The following EVPL variants were observed in gnomAD, a reference collection of about 807,000 sequenced individuals.
EVPL encodes envoplakin, also known as 210 kDa cornified envelope precursor protein.
EVPL carries 94 observed loss-of-function variants against 129.7 expected under a neutral mutation model. That is an observed-to-expected ratio of 0.72 (90% CI 0.61 to 0.86). EVPL has a LOEUF of 0.86. Ranked by LOEUF, EVPL falls within the 40% of genes least tolerant of loss-of-function variation. The probability of loss-of-function intolerance (pLI) is 0.00; values close to 1 mark genes in which losing one functional copy is unlikely to be tolerated. For missense variants in EVPL, 2,625 were observed against 2,721.1 expected (o/e 0.96, Z 0.79); for synonymous variants, 1,172 against 1,191.1 (o/e 0.98, Z 0.33).
chr17:76,014,399 A>C (rs548217667), intron 18 of EVPL, 27 bp downstream of exon 18: 2 of 1,596,138 alleles, frequency 1.3e-6, no homozygotes, highest in South Asian at 2.2e-5. Flanking sequence ...ACATGGGCAC[A>C]GGCAGCTGTC....
intron 1 of EVPL, among the ~76,000 whole-genome samples, chr17:76,025,913 G>A (rs1206053138): frequency 3.3e-5 from 5 of 152,188 alleles, no homozygotes; most frequent in Non-Finnish European, 5.9e-5. Flanking sequence ...AGTGCCCCCT[G>A]CACCACACCC....
rs1161334741 is a variant in EVPL at position 76,010,006 on chromosome 17, C to T, written c.3199G>A (p.Glu1067Lys). The change falls in exon 22 of 22, where the codon GAG (glutamate) becomes AAG (lysine). Residue 1067 changes from glutamate (E) to lysine (K), a missense_variant. Glu to Lys is a moderately conservative substitution (Grantham distance 56). This residue lies in a region of EVPL where 1,453 missense variants were observed against 1,511.8 expected (regional missense o/e 0.96). Coordinates refer to ENST00000301607, the MANE Select transcript of EVPL (RefSeq NM_001988.4). ...KKELLALEKR[E>K]VDVKEKVVVK... ...ACGACCTTCTCCTTCACGTCCACCTCCCTCTTCTCAAGGGCCAGTAGCTCC... is the reference window on the plus strand; with the variant it reads ...ACGACCTTCTCCTTCACGTCCACCTTCCTCTTCTCAAGGGCCAGTAGCTCC... 1.2e-6 allele frequency: 2 copies of T among 1,613,526 alleles called. No individual in the cohort carries two copies. Among genetic ancestry groups the T allele is most frequent in the Non-Finnish European group, 1.7e-6 (2 of 1,180,032 alleles).
chr17:76,023,667 G>A lies in EVPL; in HGVS notation c.199-13C>T. The A allele has an allele frequency of 6.5e-7, 1 of 1,540,952 alleles. No individual in the cohort carries two copies. Among genetic ancestry groups the A allele is most frequent in the Non-Finnish European group, 8.8e-7 (1 of 1,140,670 alleles). ...TGTTCAGCCGGTCCTGTGGGCAGGA[G>A]ATGGGCAGACTGGCCAGGGCCCAGA... On this transcript the variant is annotated splice_polypyrimidine_tract_variant and intron_variant, in intron 2 of 21. Coordinates refer to ENST00000301607, the MANE Select transcript of EVPL (RefSeq NM_001988.4).
Position 76,007,212 on chromosome 17 carries a change from C to A in EVPL, c.5993G>T (p.Gly1998Val). The change falls in exon 22 of 22, where the codon GGC becomes GTC. Residue 1998 changes from glycine (G) to valine (V), a missense_variant. This residue lies in a region of EVPL where 1,453 missense variants were observed against 1,511.8 expected (regional missense o/e 0.96). Transcript: ENST00000301607. The surrounding 1 kb of genome is among the most constrained non-coding windows in gnomAD (Gnocchi z 8.8). The part of the protein sequence containing the change: ...KERLSYKEAM[G>V]RCRKDPLSGL... ...GCTCAGGGGGTCTTTGCGGCAGCGGCCCATGGCCTCCTTGTAGCTCAGCCG... is the reference window on the plus strand; with the variant it reads ...GCTCAGGGGGTCTTTGCGGCAGCGGACCATGGCCTCCTTGTAGCTCAGCCG... 1 of 1,558,842 alleles carries A rather than the reference C, an allele frequency of 6.4e-7. No individual in the cohort carries two copies.
intron 1 of EVPL, among the ~76,000 whole-genome samples, chr17:76,026,477 A>G (rs904018881): frequency 1.3e-5 from 2 of 152,168 alleles, no homozygotes; most frequent in African/African-American, 4.8e-5. Flanking sequence ...GGCCTCCTGA[A>G]GTTCGGGGAT....
intron 12 of EVPL, 82 bp from the exon 13 acceptor site, chr17:76,018,340 G>A: frequency 6.6e-7 from 1 of 1,518,486 alleles, no homozygotes; most frequent in Non-Finnish European, 8.9e-7. Flanking sequence ...AGCTTCAGGT[G>A]AAGGCCAGCC....
rs1272067203 is a variant in EVPL, at chr17:76,021,726, T to C, written c.863A>G (p.Asp288Gly). 4 of 1,610,400 alleles carry C rather than the reference T, an allele frequency of 2.5e-6. No homozygotes were observed. The African/African-American group carries it at 5.3e-5, about 22-fold the overall frequency. ...SQEQSVNQLEDDGERMVELRH... is the reference protein window; with the variant it reads ...SQEQSVNQLEGDGERMVELRH... ...CAGCTCCACCATGCGCTCGCCGTCGTCCTCCAGCTGGTTCACGCTCTGCTC... is the reference window on the plus strand; with the variant it reads ...CAGCTCCACCATGCGCTCGCCGTCGCCCTCCAGCTGGTTCACGCTCTGCTC... The change falls in exon 8 of 22, where the codon GAC becomes GGC. Residue 288 changes from aspartate to glycine, a missense_variant. This residue lies in a region of EVPL where 1,024 missense variants were observed against 997.5 expected (regional missense o/e 1.03). Coordinates refer to ENST00000301607, the MANE Select transcript of EVPL (RefSeq NM_001988.4).
In EVPL at chr17:76,027,133, C is replaced by G. The variant is rs755951974; in HGVS notation, c.66G>C (p.Gly22=). The stretch of plus-strand genomic sequence containing the variant: ...GCCTGCTGGGGGAGCCTTTGGGGGA[C>G]CCCTTGGCGGGGGAGCCCTTGGGGG... ...KGSPKGSPAK[G]SPKGSPSRHS... is the part of the protein sequence containing the mutation. The change falls in exon 1 of 22, where the codon GGG becomes GGC. Residue 22 remains glycine (G), a synonymous_variant. Transcript: ENST00000301607. The G allele has an allele frequency of 3.2e-6, 5 of 1,544,802 alleles. No homozygotes were observed. Among genetic ancestry groups the G allele is most frequent in the Middle Eastern group, 2.3e-4 (1 of 4,300 alleles).
Position 76,023,413 on chromosome 17 carries a change from T to C in EVPL, c.359A>G (p.Lys120Arg). The C allele has an allele frequency of 6.2e-7, 1 of 1,613,748 alleles. No individual in the cohort carries two copies. Among genetic ancestry groups the C allele is most frequent in the Non-Finnish European group, 8.5e-7 (1 of 1,179,972 alleles). Reference protein sequence around the residue: ...PQAEEIEKDIKQLHERVTQEC... With the variant: ...PQAEEIEKDIRQLHERVTQEC... ...CTGGGTCACCCGCTCGTGCAGCTGC[T>C]TGATGCTGTCAAGAAGGTGGCCGGC... Residue 120 changes from lysine (K) to arginine (R), a missense_variant, in exon 4 of 22, where the codon AAG (lysine) becomes AGG (arginine). This residue lies in a region of EVPL where 139 missense variants were observed against 186.8 expected (regional missense o/e 0.74). Transcript: ENST00000301607.
intron 1 of EVPL, among the ~76,000 whole-genome samples, chr17:76,026,506 C>T (rs781542775): frequency 1.3e-5 from 2 of 152,208 alleles, no homozygotes; most frequent in South Asian, 2.1e-4. Context: ...TGAGCCACGG[C>T]GCCCGGCCAT....
At position 76,022,296 on chromosome 17, in the gene EVPL, G is replaced by A. The variant is rs1408044805; in HGVS notation, c.607-69C>T. 5.0e-6 allele frequency: 8 copies of A among 1,600,756 alleles called. No individual in the cohort carries two copies. Among genetic ancestry groups the A allele is most frequent in the East Asian group, 2.2e-5 (1 of 44,558 alleles). On this transcript the variant is annotated intron_variant, in intron 5 of 21. Coordinates refer to ENST00000301607, the MANE Select transcript of EVPL (RefSeq NM_001988.4). This position sits in a 1 kb window ranked among gnomAD's most constrained non-coding sequence, Gnocchi z 5.6. ...GCAGGGAGACGGCCCCCTAAGATCT[G>A]GGCCAGCCATACCCCACCCACCCCT...
intron 17 of EVPL, 59 bp downstream of exon 17, chr17:76,014,857 C>A: frequency 6.7e-7 from 1 of 1,482,678 alleles, no homozygotes; most frequent in South Asian, 1.3e-5. Flanking sequence ...AGCTTGTAGA[C>A]AGCAATGCCT....
At chr17:76,011,284 T>C (rs905720534) in intron 21 of EVPL, among the ~76,000 whole-genome samples, 1 of 152,154 alleles carries the variant, frequency 6.6e-6, no homozygotes, top group Non-Finnish European at 1.5e-5. Flanking sequence ...GGATTTTCTC[T>C]GCTCTCTGGG....
chr17:76,014,281 G>C, intron 18 of EVPL, 145 bp downstream of exon 18: 1 of 1,177,024 alleles, frequency 8.5e-7, no homozygotes, highest in Non-Finnish European at 1.2e-6. Context: ...CCCGTCTGTG[G>C]GCAAAGAGGA....
In EVPL at chr17:76,021,380, G is replaced by A. The variant is rs2066455792; in HGVS notation, c.1011+88C>T. 8 of 1,258,794 alleles carry A rather than the reference G, an allele frequency of 6.4e-6. No homozygotes were observed. In the South Asian group the frequency reaches 6.6e-5, roughly 10 times the overall value. 78.0% of individuals were successfully genotyped at this position (1,258,794 alleles called of 1,614,324 possible). ...CAGCTCTGTCTAGTTGGGAGGTGCA[G>A]TGCCTCTCCTGTGGGCAGGGGTGCT... is the stretch of plus-strand genomic sequence containing the variant. On this transcript the variant is annotated intron_variant, in intron 9 of 21. Transcript: ENST00000301607.
rs1164112984 is a variant in EVPL at position 76,008,538 on chromosome 17, T to G, written c.4667A>C (p.Glu1556Ala). Reference sequence around the variant, plus strand: ...AATGCGCTCCCGCAGGCGCCGTGCCTCCTCCTCCCGGGCCTGCCGGGCCGT... The same window carrying G: ...AATGCGCTCCCGCAGGCGCCGTGCCGCCTCCTCCCGGGCCTGCCGGGCCGT... Reference protein sequence around the residue: ...ERTARQAREEEARRLRERIDR... With the variant: ...ERTARQAREEAARRLRERIDR... The change falls in exon 22 of 22, where the codon GAG (glutamate) becomes GCG (alanine). Residue 1556 changes from glutamate to alanine, a missense_variant. This residue lies in a region of EVPL where 1,453 missense variants were observed against 1,511.8 expected (regional missense o/e 0.96). Transcript: ENST00000301607. This position sits in a 1 kb window ranked among gnomAD's most constrained non-coding sequence, Gnocchi z 7.4. 3 of 1,607,594 alleles carry G rather than the reference T, an allele frequency of 1.9e-6. No individual in the cohort carries two copies. The highest frequency in any genetic ancestry group is 1.1e-5 in the South Asian group (1 of 91,028).
At chr17:76,025,636 G>A (rs1446587557) in intron 1 of EVPL, among the ~76,000 whole-genome samples, 1 of 152,220 alleles carries the variant, frequency 6.6e-6, no homozygotes, top group African/African-American at 2.4e-5. Context: ...GAGAGTGTTA[G>A]CTGAGAGTCT....
At chr17:76,014,894 C>G (rs199856073) in intron 17 of EVPL, 22 bp downstream of exon 17, 92 of 1,564,480 alleles carry the variant, frequency 5.9e-5, no homozygotes, top group Admixed American at 2.6e-4. Flanking sequence ...ACACCCTGTG[C>G]CCCGAGGACC....
chr17:76,020,584 A>T (rs574613053), intron 9 of EVPL, among the ~76,000 whole-genome samples: 2 of 148,708 alleles, frequency 1.3e-5, no homozygotes, highest in South Asian at 2.1e-4. Context: ...CCCAAATCCC[A>T]GTTGCATATT....
Sources: gnomAD v4.1 joint callset for allele counts (sites outside exome capture counted in the v4.1 genomes callset) on GRCh38, gnomAD v4.1.1 for gene constraint, gnomAD v4.1.1 regional missense constraint, Gnocchi (gnomAD v3.1) non-coding constraint, MANE v1.5 for transcripts, NCBI Gene and HGNC (gene_info 2026-07-23, HGNC 2026-07-21) for gene names.